Variants in CABLES1 observed in about 807,000 individuals in gnomAD.
The protein encoded by CABLES1 is CDK5 and ABL1 enzyme substrate 1.
In CABLES1, 36 loss-of-function variants were observed where a neutral mutation model predicts 57.8. The observed-to-expected ratio is 0.62, with a 90% CI of 0.48 to 0.82. CABLES1 has a LOEUF of 0.82. CABLES1 is among the 40% of genes least tolerant of loss of function. CABLES1 has a pLI of 0.00. For synonymous variants in CABLES1, 374 were observed against 363.0 expected, an observed-to-expected ratio of 1.03 and a Z score of -0.35; for missense variants, 767 against 836.6, an observed-to-expected ratio of 0.92 and a Z score of 1.03.
chr18:23,243,477 T>G (rs1337538797), intron 7 of CABLES1, among the ~76,000 whole-genome samples: 2 of 150,720 alleles, frequency 1.3e-5, no homozygotes, highest in African/African-American at 4.9e-5. Context: ...TGTTTTTTTT[T>G]TTTTTTTTTT....
At chr18:23,179,778 T>C (rs1184516978) in intron 1 of CABLES1, among the ~76,000 whole-genome samples, 2 of 152,272 alleles carry the variant, frequency 1.3e-5, no homozygotes, top group African/African-American at 2.4e-5. Context: ...GTCTAATGGA[T>C]GTGTCCTCAG....
intron 3 of CABLES1, chr18:23,204,802 T>C (rs1403189699): frequency 6.6e-6 from 1 of 152,218 alleles, no homozygotes; most frequent in Non-Finnish European, 1.5e-5. Context: ...GGTTTCCCCA[T>C]ATAAAACCAA....
intron 1 of CABLES1, among the ~76,000 whole-genome samples, chr18:23,159,261 G>A (rs927658589): frequency 2.6e-5 from 4 of 152,254 alleles, no homozygotes; most frequent in Non-Finnish European, 4.4e-5. Flanking sequence ...CACTGCACCC[G>A]GCCTGGTCAG....
In CABLES1 at chr18:23,257,441, G is replaced by T; in HGVS notation, c.*74G>T. 6.8e-7 allele frequency: 1 copy of T among 1,464,596 alleles called. No homozygotes were observed. Among genetic ancestry groups the T allele is most frequent in the Admixed American group, 2.5e-5 (1 of 39,556 alleles). 90.7% of individuals were successfully genotyped at this position (1,464,596 alleles called of 1,614,324 possible). ...GCAGCACTTACTTACTACTGGAAATGAAAAAAAGTAGAACTCAGAATACCA... is the reference window on the plus strand; with the variant it reads ...GCAGCACTTACTTACTACTGGAAATTAAAAAAAGTAGAACTCAGAATACCA... On this transcript the variant is annotated 3_prime_UTR_variant, in exon 10 of 10. Transcript: ENST00000256925.
chr18:23,229,818 C>T (rs1217590022), intron 4 of CABLES1, among the ~76,000 whole-genome samples: 1 of 152,234 alleles, frequency 6.6e-6, no homozygotes, highest in East Asian at 1.9e-4. Flanking sequence ...GACCATGGGT[C>T]TTGCCTGCTT....
chr18:23,165,324 C>T, intron 1 of CABLES1, among the ~76,000 whole-genome samples: 1 of 152,154 alleles, frequency 6.6e-6, no homozygotes. Context: ...TCTCAAGCTC[C>T]TGGCCTCAAG....
intron 3 of CABLES1, chr18:23,198,084 C>G (rs1212337534): frequency 6.6e-6 from 1 of 151,854 alleles, no homozygotes; most frequent in East Asian, 1.9e-4. Flanking sequence ...GTGGTGAAAC[C>G]CCGTCTCTAC....
intron 1 of CABLES1, among the ~76,000 whole-genome samples, chr18:23,152,823 CAG>C (rs1398594896): frequency 6.6e-6 from 1 of 151,448 alleles, no homozygotes; most frequent in Non-Finnish European, 1.5e-5. Context: ...TTTTTTGAGA[CAG>C]AGTTTCGCTC....
rs1353687169 is a variant in CABLES1, at chr18:23,260,299, G to A, written c.*2932G>A. ...TTCCGATCACAGATTTCCCTGCCAG[G>A]GTGTCTGTGGTTATCAGCTGCAGGC... On this transcript the variant is annotated 3_prime_UTR_variant, in exon 10 of 10. Transcript: ENST00000256925. 6.6e-6 allele frequency: 1 copy of A among 152,142 alleles called. No individual in the cohort carries two copies. Among genetic ancestry groups the A allele is most frequent in the African/African-American group, 2.4e-5 (1 of 41,404 alleles). 9.4% of individuals were successfully genotyped at this position (152,142 alleles called of 1,614,324 possible).
Position 23,235,954 on chromosome 18 carries a change from C to G in CABLES1, c.1245C>G (p.Thr415=). The G allele has an allele frequency of 6.2e-7, 1 of 1,614,136 alleles. No homozygotes were observed. The highest frequency in any genetic ancestry group is 1.1e-5 in the South Asian group (1 of 91,084). ...ATGCCTTTGGAGCCCGGAGAAATAC[C>G]ATAGACTCCACCTCCTCTTTCTCCC... The part of the protein sequence containing the change: ...PTNAFGARRN[T]IDSTSSFSQF... The change falls in exon 6 of 10, where the codon ACC becomes ACG. Residue 415 remains threonine, a synonymous_variant. Coordinates refer to ENST00000256925, the MANE Select transcript of CABLES1 (RefSeq NM_001100619.3).
At chr18:23,254,366 C>G (rs899205594) in intron 9 of CABLES1, among the ~76,000 whole-genome samples, 4 of 152,196 alleles carry the variant, frequency 2.6e-5, no homozygotes, top group Non-Finnish European at 5.9e-5. Context: ...GGTGGTATCT[C>G]TTTTCTTTAA....
In CABLES1 at chr18:23,161,721, T is replaced by G. The variant is rs528974517; in HGVS notation, c.845+25114T>G. On this transcript the variant is annotated intron_variant, in intron 1 of 9. Transcript: ENST00000256925. ...GTCAGGAGATCGAGACCATCCTGGC[T>G]AACATGGTGAAACCCCGTCTCTACT... is the stretch of plus-strand genomic sequence containing the variant. 4.0e-5 allele frequency among the ~76,000 whole-genome samples: 5 copies of G among 124,326 alleles called. No homozygotes were observed. In the South Asian group the frequency reaches 1.3e-3, roughly 33 times the overall value. The allele number at this position is 124,326 out of a possible 152,430, so 81.6% of individuals were successfully genotyped here. A position where few individuals can be genotyped will look rare whatever the true frequency, so the allele number is the denominator to read the frequency against.
chr18:23,182,668 C>T (rs183425261), intron 1 of CABLES1, among the ~76,000 whole-genome samples: 4 of 152,354 alleles, frequency 2.6e-5, no homozygotes, highest in African/African-American at 9.6e-5. Flanking sequence ...ATACTGGAAG[C>T]AGACTGAGGC....
rs1015952528 is a variant in CABLES1, at chr18:23,232,290, A to G, written c.1089-2318A>G. On this transcript the variant is annotated intron_variant, in intron 4 of 9. Transcript: ENST00000256925. ...GGAAACAAGGAGAAAATTATTTGGG[A>G]GTTGGGAATTTGAAGACCATGCTTG... 5.3e-4 allele frequency among the ~76,000 whole-genome samples: 80 copies of G among 152,114 alleles called. 1 individual carries two copies. Among genetic ancestry groups the G allele is most frequent in the Admixed American group, 1.3e-4 (2 of 15,270 alleles).
At chr18:23,231,611 TTGG>T (rs1325839909) in intron 4 of CABLES1, among the ~76,000 whole-genome samples, 1 of 152,050 alleles carries the variant, frequency 6.6e-6, no homozygotes, top group Non-Finnish European at 1.5e-5. Flanking sequence ...GTGGGTAGGG[TTGG>T]TGGAGCCTTG....
intron 7 of CABLES1, among the ~76,000 whole-genome samples, chr18:23,240,759 C>G (rs1005595290): frequency 3.3e-5 from 5 of 152,348 alleles, no homozygotes; most frequent in African/African-American, 1.2e-4. Flanking sequence ...CCAGCAGAGG[C>G]GCCCACCTGA....
rs765683010 is a variant in CABLES1 at position 23,173,400 on chromosome 18, AC to A, written c.846-15437del. ...TCCCAACCATCCAGCTCTTCCCTGG[AC>A]ATGTCTGAACCTCTCCAAAGCTTCA... is the stretch of plus-strand genomic sequence containing the variant. On this transcript the variant is annotated intron_variant, in intron 1 of 9. Coordinates refer to ENST00000256925, the MANE Select transcript of CABLES1 (RefSeq NM_001100619.3). 3.2e-4 allele frequency among the ~76,000 whole-genome samples: 48 copies of A among 152,358 alleles called. 1 individual carries two copies. The highest frequency in any genetic ancestry group is 2.5e-3 in the East Asian group (13 of 5,188).
At chr18:23,231,203 T>C (rs1417503846) in intron 4 of CABLES1, among the ~76,000 whole-genome samples, 1 of 152,224 alleles carries the variant, frequency 6.6e-6, no homozygotes, top group African/African-American at 2.4e-5. Context: ...TAGGAACTTA[T>C]AAAATAAGGG....
intron 3 of CABLES1, among the ~76,000 whole-genome samples, chr18:23,206,961 C>T (rs2047368373): frequency 6.6e-6 from 1 of 152,020 alleles, no homozygotes; most frequent in Admixed American, 6.6e-5. Context: ...CAGGCGTGTG[C>T]TACCACACCC....
Sources: gnomAD v4.1 joint callset for allele counts (sites outside exome capture counted in the v4.1 genomes callset) on GRCh38, gnomAD v4.1.1 for gene constraint, MANE v1.5 for transcripts, NCBI Gene and HGNC (gene_info 2026-07-23, HGNC 2026-07-21) for gene names.